PBRM1: variants seen among roughly 807,000 people sequenced by gnomAD.
The protein encoded by PBRM1 is polybromo 1.
Under a neutral mutation model 194.5 loss-of-function variants are expected in PBRM1, and 27 were observed. That is an observed-to-expected ratio of 0.14 (90% CI 0.10 to 0.19). The LOEUF is 0.19. PBRM1 is among the 10% of genes least tolerant of loss of function. PBRM1 has a pLI of 1.00. For missense variants in PBRM1, 1,466 were observed against 2,077.2 expected (o/e 0.71, Z 5.72); for synonymous variants, 655 against 693.2 (o/e 0.94, Z 0.87).
intron 29 of PBRM1, among the ~76,000 whole-genome samples, chr3:52,548,969 A>G (rs1428392708): frequency 6.6e-6 from 1 of 152,154 alleles, no homozygotes; most frequent in Non-Finnish European, 1.5e-5. Context: ...AACTAAATGA[A>G]TAGCCTAATC....
chr3:52,605,196 T>G (rs1344271350), intron 16 of PBRM1, among the ~76,000 whole-genome samples: 1 of 152,124 alleles, frequency 6.6e-6, no homozygotes, highest in African/African-American at 2.4e-5. Flanking sequence ...CTCAACTTCT[T>G]GGGCTCAGGC....
At chr3:52,602,245 C>T (rs921460608) in intron 17 of PBRM1, among the ~76,000 whole-genome samples, 6 of 152,020 alleles carry the variant, frequency 3.9e-5, no homozygotes, top group South Asian at 2.1e-4. Context: ...CTCCCTTTCT[C>T]TTCTCTCCTC....
At chr3:52,573,561 C>A (rs1316567224) in intron 22 of PBRM1, among the ~76,000 whole-genome samples, 1 of 152,166 alleles carries the variant, frequency 6.6e-6, no homozygotes, top group Non-Finnish European at 1.5e-5. Flanking sequence ...TCCCAAAGTA[C>A]TGGGATTACA....
chr3:52,584,787 CTTTTGT>C (rs1390809720), intron 20 of PBRM1, among the ~76,000 whole-genome samples: 1 of 152,040 alleles, frequency 6.6e-6, no homozygotes, highest in Non-Finnish European at 1.5e-5. Context: ...ATTTTTACTG[CTTTTGT>C]TTATCTAACT....
At chr3:52,579,524 G>A (rs2153690489) in intron 20 of PBRM1, among the ~76,000 whole-genome samples, 1 of 152,260 alleles carries the variant, frequency 6.6e-6, no homozygotes, top group African/African-American at 2.4e-5. Context: ...CTCGAGCTCA[G>A]GAGGTCGAGG....
chr3:52,679,392 T>C (rs2097165664), intron 1 of PBRM1, among the ~76,000 whole-genome samples, 182 bp downstream of exon 2: 1 of 152,224 alleles, frequency 6.6e-6, no homozygotes, highest in African/African-American at 2.4e-5. Context: ...AAATTATTCA[T>C]AAGATCACAC....
chr3:52,562,050 G>T, intron 24 of PBRM1, 82 bp from the exon 27 acceptor site: 1 of 1,061,848 alleles, frequency 9.4e-7, no homozygotes, highest in South Asian at 1.3e-5. Context: ...AGCCGGGCGC[G>T]GTGGCTCACA....
chr3:52,600,483 C>A (rs1270020329), intron 17 of PBRM1, among the ~76,000 whole-genome samples: 1 of 152,106 alleles, frequency 6.6e-6, no homozygotes, highest in Non-Finnish European at 1.5e-5. Flanking sequence ...TTTTGTATTT[C>A]ATTCAATAAA....
At chr3:52,629,113 A>C in intron 11 of PBRM1, 78 bp from the exon 13 acceptor site, 1 of 1,139,158 alleles carries the variant, frequency 8.8e-7, no homozygotes, top group Middle Eastern at 2.8e-4. Flanking sequence ...CCAATGCAAA[A>C]TCTTGACAAG....
intron 4 of PBRM1, among the ~76,000 whole-genome samples, chr3:52,660,652 AC>A (rs2096705224): frequency 6.6e-6 from 1 of 151,972 alleles, no homozygotes; most frequent in Admixed American, 6.6e-5. Context: ...AGCAGGGATT[AC>A]AGGTGCCCAC....
chr3:52,549,190 T>C (rs1390980863), intron 29 of PBRM1, among the ~76,000 whole-genome samples: 2 of 152,038 alleles, frequency 1.3e-5, no homozygotes, highest in African/African-American at 4.8e-5. Flanking sequence ...CAGCTAATTT[T>C]TGTATTTTTA....
chr3:52,672,785 C>T (rs535454151), intron 2 of PBRM1, among the ~76,000 whole-genome samples: 2 of 152,042 alleles, frequency 1.3e-5, no homozygotes, highest in South Asian at 2.1e-4. Context: ...TGAGCCACCA[C>T]GCCTGGCCAA....
intron 14 of PBRM1, among the ~76,000 whole-genome samples, chr3:52,616,508 A>G (rs890808172): frequency 2.0e-5 from 3 of 152,168 alleles, no homozygotes; most frequent in Non-Finnish European, 2.9e-5. Flanking sequence ...CCTGGCTAAC[A>G]TGGTGAAACC....
At chr3:52,635,541 G>C (rs1303985250) in intron 10 of PBRM1, among the ~76,000 whole-genome samples, 1 of 152,064 alleles carries the variant, frequency 6.6e-6, no homozygotes, top group East Asian at 1.9e-4. Flanking sequence ...ACTCCAGCCT[G>C]GGTGACGGAT....
intron 27 of PBRM1, among the ~76,000 whole-genome samples, chr3:52,552,286 T>A (rs1275977368): frequency 6.6e-6 from 1 of 152,088 alleles, no homozygotes; most frequent in Non-Finnish European, 1.5e-5. Context: ...ATCAGCAAAC[T>A]CTTCTGCTTC....
At chr3:52,605,534 A>C (rs2094292695) in intron 16 of PBRM1, among the ~76,000 whole-genome samples, 1 of 152,136 alleles carries the variant, frequency 6.6e-6, no homozygotes, top group South Asian at 2.1e-4. Flanking sequence ...TGCTCCCATC[A>C]GCAAAGGTGA....
intron 3 of PBRM1, among the ~76,000 whole-genome samples, chr3:52,665,530 T>C (rs1164368357): frequency 6.6e-6 from 1 of 152,142 alleles, no homozygotes; most frequent in Non-Finnish European, 1.5e-5. Context: ...CATGGCCTGT[T>C]TGGAACTGGG....
intron 22 of PBRM1, among the ~76,000 whole-genome samples, chr3:52,570,675 T>C (rs1283626495): frequency 6.6e-6 from 1 of 152,192 alleles, no homozygotes; most frequent in East Asian, 1.9e-4. Context: ...AAAAAAATTA[T>C]CAAGACCTGC....
intron 13 of PBRM1, among the ~76,000 whole-genome samples, chr3:52,619,531 T>A (rs1427784875): frequency 1.3e-5 from 2 of 152,222 alleles, no homozygotes; most frequent in African/African-American, 4.8e-5. Flanking sequence ...GTTGGTTGAA[T>A]CCCTGGATGT....
Sources: gnomAD v4.1 joint callset for allele counts (sites outside exome capture counted in the v4.1 genomes callset) on GRCh38, gnomAD v4.1.1 for gene constraint, MANE v1.5 for transcripts, NCBI Gene and HGNC (gene_info 2026-07-23, HGNC 2026-07-21) for gene names.